RALGAPA2: variants seen among roughly 807,000 people sequenced by gnomAD.
RALGAPA2 encodes ral GTPase-activating protein subunit alpha-2.
RALGAPA2 carries 139 observed loss-of-function variants against 230.4 expected under a neutral mutation model. The ratio of observed to expected loss-of-function variants is 0.60; its 90% CI spans 0.53 to 0.69. The LOEUF is 0.69. Ranked by LOEUF, RALGAPA2 falls within the 30% of genes least tolerant of loss-of-function variation. The pLI is 0.00. For synonymous variants in RALGAPA2, 847 were observed against 837.8 expected, an observed-to-expected ratio of 1.01 and a Z score of -0.19; for missense variants, 2,163 against 2,276.0, an observed-to-expected ratio of 0.95 and a Z score of 1.01.
At chr20:20,676,373 T>C (rs1353326396) in intron 2 of RALGAPA2, 85 bp from the exon 3 acceptor site, 1 of 857,102 alleles carries the variant, frequency 1.2e-6, no homozygotes, top group Non-Finnish European at 1.8e-6. Flanking sequence ...AGCTTAAAAC[T>C]AGTAAGCCTC....
chr20:20,546,318 G>T (rs1317087383), intron 24 of RALGAPA2, among the ~76,000 whole-genome samples: 2 of 151,842 alleles, frequency 1.3e-5, no homozygotes, highest in African/African-American at 4.8e-5. Context: ...TAATAACCAA[G>T]ACTTAATTTA....
Position 20,639,899 on chromosome 20 carries a change from T to C in RALGAPA2, c.552A>G (p.Val184=). 1 of 1,599,116 alleles carries C rather than the reference T, an allele frequency of 6.3e-7. No homozygotes were observed. The highest frequency in any genetic ancestry group is 1.7e-5 in the Admixed American group (1 of 59,820). Residue 184 remains valine, a splice_region_variant and synonymous_variant, in exon 7 of 40, where the codon GTA becomes GTG. Coordinates refer to ENST00000202677, the MANE Select transcript of RALGAPA2 (RefSeq NM_020343.4). ...GAGTGATTTCTTCTGGATATATCTT[T>C]ACTGAAAGGACAGAAAATGATGACA... ...LINPSPSVAD[V]KIYPEEITPL...
At chr20:20,445,841 T>A (rs1474910026) in intron 37 of RALGAPA2, among the ~76,000 whole-genome samples, 1 of 152,252 alleles carries the variant, frequency 6.6e-6, no homozygotes, top group African/African-American at 2.4e-5. Context: ...AGCAACTGCT[T>A]TGAAAGAAGC....
rs2064602877 is a variant in RALGAPA2 at position 20,570,781 on chromosome 20, T to G, written c.3156+677A>C. 1.3e-5 allele frequency among the ~76,000 whole-genome samples: 2 copies of G among 152,270 alleles called. 1 individual carries two copies. ...GTGAAGCATAAATCAATCACATCAC[T>G]TGCCTGCTTGATATCCCAAATCAAG... On this transcript the variant is annotated intron_variant, in intron 23 of 39. Coordinates refer to ENST00000202677, the MANE Select transcript of RALGAPA2 (RefSeq NM_020343.4).
At chr20:20,600,588 A>T (rs973762363) in intron 16 of RALGAPA2, among the ~76,000 whole-genome samples, 7 of 152,248 alleles carry the variant, frequency 4.6e-5, no homozygotes, top group Admixed American at 1.3e-4. Flanking sequence ...ATCTGTATTA[A>T]GCCTTTACTA....
chr20:20,546,955 T>G (rs1568564029), intron 23 of RALGAPA2, 123 bp from the exon 24 acceptor site: 1 of 1,082,958 alleles, frequency 9.2e-7, no homozygotes, highest in South Asian at 2.7e-5. Context: ...TACAGAAAAT[T>G]TTCAGTGAAA....
chr20:20,457,393 A>C (rs2061147482), intron 37 of RALGAPA2, among the ~76,000 whole-genome samples: 1 of 152,232 alleles, frequency 6.6e-6, no homozygotes, highest in Non-Finnish European at 1.5e-5. Flanking sequence ...CATTTATCTC[A>C]CAGGAAAGAT....
chr20:20,526,164 AATT>A (rs1381391552), intron 28 of RALGAPA2, 85 bp downstream of exon 28: 1 of 1,033,592 alleles, frequency 9.7e-7, no homozygotes, highest in African/African-American at 1.6e-5. Flanking sequence ...GTTCTCTAAC[AATT>A]ATTTGAATAT....
At position 20,396,294 on chromosome 20, in the gene RALGAPA2, C is replaced by A. The variant is rs553394355; in HGVS notation, c.*35+401G>T. Among the ~76,000 whole-genome samples, 4 of 152,384 alleles carry A rather than the reference C, an allele frequency of 2.6e-5. No homozygotes were observed. In the South Asian group the frequency reaches 8.3e-4, roughly 32 times the overall value. ...TCTCAGAGGCCTCCATTAAGGCTGGCGGTCAAAGGCCGGCCCAGCACGTGC... is the reference window on the plus strand; with the variant it reads ...TCTCAGAGGCCTCCATTAAGGCTGGAGGTCAAAGGCCGGCCCAGCACGTGC... On this transcript the variant is annotated intron_variant, in intron 39 of 39. Coordinates refer to ENST00000202677, the MANE Select transcript of RALGAPA2 (RefSeq NM_020343.4).
intron 37 of RALGAPA2, among the ~76,000 whole-genome samples, chr20:20,431,410 C>G (rs2060499606): frequency 6.6e-6 from 1 of 152,180 alleles, no homozygotes; most frequent in African/African-American, 2.4e-5. Context: ...GCCCTGGACA[C>G]AGCCTTGGAA....
At position 20,437,269 on chromosome 20, in the gene RALGAPA2, A is replaced by G. The variant is rs1418433594; in HGVS notation, c.5496-25121T>C. Among the ~76,000 whole-genome samples, 2 of 152,038 alleles carry G rather than the reference A, an allele frequency of 1.3e-5. No individual in the cohort carries two copies. Among genetic ancestry groups the G allele is most frequent in the Non-Finnish European group, 2.9e-5 (2 of 68,002 alleles). ...GTCACTGAGGCACACATGACTCTGC[A>G]CCCTCTGACATGCCACGTCTCATCT... On this transcript the variant is annotated intron_variant, in intron 37 of 39. Coordinates refer to ENST00000202677, the MANE Select transcript of RALGAPA2 (RefSeq NM_020343.4). This position sits in a 1 kb window ranked among gnomAD's most constrained non-coding sequence, Gnocchi z 4.1.
intron 37 of RALGAPA2, among the ~76,000 whole-genome samples, chr20:20,469,646 C>T (rs1461731367): frequency 6.6e-6 from 1 of 152,188 alleles, no homozygotes; most frequent in South Asian, 2.1e-4. Context: ...AACGGGCACA[C>T]TGCATATTGT....
At chr20:20,487,835 C>T (rs1200488117) in intron 36 of RALGAPA2, among the ~76,000 whole-genome samples, 2 of 151,872 alleles carry the variant, frequency 1.3e-5, no homozygotes, top group South Asian at 2.1e-4. Flanking sequence ...TTGCTTGAGC[C>T]CTGGAGGCAG....
intron 38 of RALGAPA2, among the ~76,000 whole-genome samples, chr20:20,400,387 G>A (rs1388786747): frequency 2.6e-5 from 4 of 152,180 alleles, no homozygotes; most frequent in African/African-American, 4.8e-5. Context: ...AGGGAGGGAG[G>A]AAGGGAAAGT....
intron 33 of RALGAPA2, among the ~76,000 whole-genome samples, chr20:20,510,507 C>T (rs972866410): frequency 6.7e-6 from 1 of 149,396 alleles, no homozygotes; most frequent in African/African-American, 2.4e-5. Context: ...TAGAATATTC[C>T]TACAGGGAAT....
intron 1 of RALGAPA2, among the ~76,000 whole-genome samples, chr20:20,691,900 G>A (rs538269801): frequency 6.6e-6 from 1 of 152,108 alleles, no homozygotes. Flanking sequence ...TCATGGGGGT[G>A]GATTCCTCAT....
rs2059600614 is a variant in RALGAPA2 at position 20,391,391 on chromosome 20, C to T, written c.*1898G>A. ...TATCCTGGGCCCTTCCCAAAACGGCCCAGGGGCCAGAAGCTTCCTTCCACT... is the reference window on the plus strand; with the variant it reads ...TATCCTGGGCCCTTCCCAAAACGGCTCAGGGGCCAGAAGCTTCCTTCCACT... On this transcript the variant is annotated 3_prime_UTR_variant, in exon 40 of 40. Transcript: ENST00000202677. The T allele has an allele frequency of 6.6e-6, 1 of 152,264 alleles. No individual in the cohort carries two copies. Among genetic ancestry groups the T allele is most frequent in the Admixed American group, 6.5e-5 (1 of 15,282 alleles). 9.4% of individuals were successfully genotyped at this position (152,264 alleles called of 1,614,324 possible).
At chr20:20,646,809 T>C (rs2067230424) in intron 4 of RALGAPA2, among the ~76,000 whole-genome samples, 1 of 152,174 alleles carries the variant, frequency 6.6e-6, no homozygotes, top group South Asian at 2.1e-4. Context: ...CAATATTAAA[T>C]TTTTAATTAC....
At chr20:20,621,505 C>T (rs1286110531) in intron 10 of RALGAPA2, among the ~76,000 whole-genome samples, 2 of 149,708 alleles carry the variant, frequency 1.3e-5, no homozygotes, top group Non-Finnish European at 3.0e-5. Context: ...TCTTCCTTTC[C>T]CTTCCTTCCT....
Sources: allele counts gnomAD v4.1 joint callset (sites outside exome capture counted in the v4.1 genomes callset), GRCh38; gene constraint gnomAD v4.1.1; non-coding constraint Gnocchi (gnomAD v3.1); transcripts MANE v1.5; gene names NCBI Gene and HGNC (gene_info 2026-07-23, HGNC 2026-07-21).